The following RPS6KA5 variants were observed in gnomAD, a reference collection of about 807,000 sequenced individuals.
The protein encoded by RPS6KA5 is ribosomal protein S6 kinase alpha-5.
Under a neutral mutation model 85.5 loss-of-function variants are expected in RPS6KA5, and 27 were observed. The observed-to-expected ratio is 0.32, with a 90% CI of 0.23 to 0.44. RPS6KA5 has a LOEUF of 0.44. RPS6KA5 is among the 20% of genes least tolerant of loss of function. RPS6KA5 has a pLI of 1.00. For synonymous variants in RPS6KA5, 334 were observed against 348.2 expected, an observed-to-expected ratio of 0.96 and a Z score of 0.46; for missense variants, 811 against 980.9, an observed-to-expected ratio of 0.83 and a Z score of 2.31.
intron 2 of RPS6KA5, among the ~76,000 whole-genome samples, chr14:90,995,394 GT>G (rs1292694898): frequency 1.3e-5 from 2 of 152,166 alleles, no homozygotes; most frequent in Admixed American, 1.3e-4. Flanking sequence ...CTGCTTATTT[GT>G]TTCCTTCACC....
chr14:90,982,069 C>T (rs1274965072), intron 2 of RPS6KA5, among the ~76,000 whole-genome samples: 2 of 152,208 alleles, frequency 1.3e-5, no homozygotes, highest in African/African-American at 2.4e-5. Context: ...TTCCAGACCA[C>T]CTTTTTGTTC....
chr14:90,967,522 C>G (rs777429136), intron 3 of RPS6KA5, among the ~76,000 whole-genome samples: 4 of 152,144 alleles, frequency 2.6e-5, no homozygotes, highest in Non-Finnish European at 5.9e-5. Context: ...TGTGCCCTGA[C>G]TTACATACTC....
intron 5 of RPS6KA5, among the ~76,000 whole-genome samples, chr14:90,928,771 T>C (rs1229920366): frequency 6.7e-6 from 1 of 149,948 alleles, no homozygotes; most frequent in Non-Finnish European, 1.5e-5. Context: ...AAACACACTC[T>C]GGCAGATTTG....
chr14:90,865,938 C>T lies in RPS6KA5; in HGVS notation c.*6136G>A, dbSNP rs1193819735. The T allele has an allele frequency of 1.3e-5, 2 of 152,188 alleles. No homozygotes were observed. The highest frequency in any genetic ancestry group is 1.3e-4 in the Admixed American group (2 of 15,276). The allele number at this position is 152,188 out of a possible 1,614,324, so 9.4% of individuals were successfully genotyped here. ...ATTTAAGTCTACTTGCTTTCTCACA[C>T]AGCATCATTATTTCCTTATTCCTAA... On this transcript the variant is annotated 3_prime_UTR_variant, in exon 17 of 17. Transcript: ENST00000614987.
chr14:90,976,262 T>C (rs1242921989), intron 3 of RPS6KA5, among the ~76,000 whole-genome samples: 1 of 147,640 alleles, frequency 6.8e-6, no homozygotes, highest in African/African-American at 2.5e-5. Flanking sequence ...TAGAGAGTAA[T>C]GGTGCAGAGT....
intron 3 of RPS6KA5, among the ~76,000 whole-genome samples, chr14:90,971,557 C>G (rs1244478690): frequency 6.6e-6 from 1 of 152,186 alleles, no homozygotes; most frequent in African/African-American, 2.4e-5. Context: ...AAATGCTAGT[C>G]TATTCCGTAT....
intron 7 of RPS6KA5, among the ~76,000 whole-genome samples, chr14:90,915,358 G>C (rs1199621708): frequency 6.6e-6 from 1 of 152,166 alleles, no homozygotes; most frequent in Non-Finnish European, 1.5e-5. Flanking sequence ...TCAATTGCGT[G>C]ATTAGGTTAC....
intron 13 of RPS6KA5, among the ~76,000 whole-genome samples, chr14:90,892,818 T>C (rs545797474): frequency 1.3e-5 from 2 of 152,374 alleles, no homozygotes; most frequent in Admixed American, 6.5e-5. Flanking sequence ...CATTTTATTA[T>C]GAAAATGTTA....
At position 90,885,552 on chromosome 14, in the gene RPS6KA5, C is replaced by CAAAA. The variant is rs780292114; in HGVS notation, c.1836+4931_1836+4934dup. Among the ~76,000 whole-genome samples, 22 of 19,872 alleles carry CAAAA rather than the reference C, an allele frequency of 1.1e-3. 3 individuals are homozygous for CAAAA. Among genetic ancestry groups the CAAAA allele is most frequent in the Non-Finnish European group, 1.4e-3 (19 of 13,504 alleles). The allele number at this position is 19,872 out of a possible 152,430, so 13.0% of individuals were successfully genotyped here. A position where few individuals can be genotyped will look rare whatever the true frequency, so the allele number is the denominator to read the frequency against. On this transcript the variant is annotated intron_variant, in intron 14 of 16. Coordinates refer to ENST00000614987, the MANE Select transcript of RPS6KA5 (RefSeq NM_004755.4). ...TGGGCGACAGAGCGAGACTCCGTCT[C>CAAAA]AAAAAAAAAAAAAAAAAAAAAAAAA...
intron 1 of RPS6KA5, among the ~76,000 whole-genome samples, chr14:91,052,103 A>G (rs1033832537): frequency 2.0e-5 from 3 of 151,912 alleles, no homozygotes; most frequent in Non-Finnish European, 4.4e-5. Context: ...CAGGTCATAT[A>G]GCAAATTAGG....
intron 7 of RPS6KA5, among the ~76,000 whole-genome samples, chr14:90,909,016 C>T (rs901849190): frequency 3.4e-4 from 52 of 152,188 alleles, no homozygotes; most frequent in African/African-American, 1.2e-3. Flanking sequence ...GCTGTAATGT[C>T]GATACACTGT....
intron 1 of RPS6KA5, among the ~76,000 whole-genome samples, chr14:91,017,421 C>G (rs1027105750): frequency 4.6e-5 from 7 of 152,180 alleles, no homozygotes; most frequent in Non-Finnish European, 1.0e-4. Flanking sequence ...GATCAAGGAG[C>G]TAACTTCACA....
At chr14:90,967,047 G>C (rs1157929004) in intron 3 of RPS6KA5, among the ~76,000 whole-genome samples, 1 of 152,054 alleles carries the variant, frequency 6.6e-6, no homozygotes, top group Non-Finnish European at 1.5e-5. Flanking sequence ...AAAATAAATA[G>C]GTAGGGCTAA....
chr14:91,043,475 A>T (rs1007553639), intron 1 of RPS6KA5, among the ~76,000 whole-genome samples: 3 of 152,160 alleles, frequency 2.0e-5, no homozygotes, highest in Non-Finnish European at 4.4e-5. Context: ...TTCACAACCG[A>T]TTCTTCTACT....
chr14:91,044,260 A>AGG (rs2042717867), intron 1 of RPS6KA5, among the ~76,000 whole-genome samples: 1 of 59,738 alleles, frequency 1.7e-5, no homozygotes, highest in Non-Finnish European at 3.5e-5. Flanking sequence ...GGAGAGAGAG[A>AGG]GGGAGAGAGA....
At chr14:90,896,844 C>T (rs1247273059) in intron 12 of RPS6KA5, among the ~76,000 whole-genome samples, 3 of 152,094 alleles carry the variant, frequency 2.0e-5, no homozygotes, top group Admixed American at 2.0e-4. Flanking sequence ...CCTCAGCCTC[C>T]AGAGTAGCTA....
chr14:90,911,943 G>GC (rs1246166836), intron 7 of RPS6KA5, among the ~76,000 whole-genome samples: 10 of 152,122 alleles, frequency 6.6e-5, no homozygotes, highest in African/African-American at 2.4e-4. Context: ...ACACAGAGTG[G>GC]CAAGGAGGCA....
intron 2 of RPS6KA5, among the ~76,000 whole-genome samples, chr14:90,989,076 T>A (rs2040192204): frequency 6.6e-6 from 1 of 152,158 alleles, no homozygotes; most frequent in African/African-American, 2.4e-5. Flanking sequence ...AAGTCCTAAA[T>A]AATTTTGTTT....
At chr14:91,012,078 T>A (rs1221521210) in intron 1 of RPS6KA5, among the ~76,000 whole-genome samples, 1 of 152,224 alleles carries the variant, frequency 6.6e-6, no homozygotes, top group Non-Finnish European at 1.5e-5. Context: ...CAATTTTCAG[T>A]TACTTGACAG....
Sources: allele counts gnomAD v4.1 joint callset (sites outside exome capture counted in the v4.1 genomes callset), GRCh38; gene constraint gnomAD v4.1.1; transcripts MANE v1.5; gene names NCBI Gene and HGNC (gene_info 2026-07-23, HGNC 2026-07-21).